KDM3B: variants seen among roughly 807,000 people sequenced by gnomAD.
The protein encoded by KDM3B is lysine-specific demethylase 3B.
Under a neutral mutation model 170.0 loss-of-function variants are expected in KDM3B, and 10 were observed. That is an observed-to-expected ratio of 0.06 (90% CI 0.04 to 0.10). KDM3B has a LOEUF of 0.10. KDM3B is among the 10% of genes least tolerant of loss of function. The pLI, the probability that KDM3B is intolerant of heterozygous loss-of-function variation, is 1.00. For synonymous variants in KDM3B, 831 were observed against 834.8 expected (o/e 1.00, Z 0.08); for missense variants, 1,394 against 2,195.2 (o/e 0.64, Z 7.29).
intron 14 of KDM3B, among the ~76,000 whole-genome samples, chr5:138,419,890 T>A (rs992767187): frequency 4.6e-5 from 7 of 151,716 alleles, no homozygotes; most frequent in African/African-American, 1.7e-4. Context: ...TTTGTTTGTT[T>A]GTTTTGAGAC....
chr5:138,424,440 C>T, intron 16 of KDM3B, 99 bp downstream of exon 16: 1 of 1,374,790 alleles, frequency 7.3e-7, no homozygotes. Flanking sequence ...GAGATTTAGA[C>T]ATAGTGAGGT....
rs1015883303 is a variant in KDM3B, at chr5:138,367,916, G to T, written c.193-4758G>T. On this transcript the variant is annotated intron_variant, in intron 1 of 23. Coordinates refer to ENST00000314358, the MANE Select transcript of KDM3B (RefSeq NM_016604.4). ...TAGTCCCAGCTACTCAGAAGGCTGA[G>T]GCAGGAGAATCACTTGAACCTGGGA... Among the ~76,000 whole-genome samples, 7 of 152,184 alleles carry T rather than the reference G, an allele frequency of 4.6e-5. 1 individual carries two copies. In the South Asian group the frequency reaches 1.4e-3, roughly 32 times the overall value.
chr5:138,352,874 T>C lies in KDM3B; in HGVS notation c.79T>C (p.Ser27Pro), dbSNP rs1761361896. Residue 27 changes from serine to proline, a missense_variant, in exon 1 of 24, where the codon TCG becomes CCG. Transcript: ENST00000314358. ...FADTAASASASAPAAAAASGD... is the reference protein window; with the variant it reads ...FADTAASASAPAPAAAAASGD... ...GGACACTGCGGCCTCAGCCTCGGCC[T>C]CGGCTCCCGCGGCGGCAGCGGCGAG... 2.2e-6 allele frequency: 3 copies of C among 1,377,306 alleles called. No homozygotes were observed. Among genetic ancestry groups the C allele is most frequent in the Non-Finnish European group, 2.8e-6 (3 of 1,062,172 alleles). 85.3% of individuals were successfully genotyped at this position (1,377,306 alleles called of 1,614,324 possible).
At chr5:138,431,326 T>C in intron 22 of KDM3B, 99 bp from the exon 23 acceptor site, 1 of 1,000,838 alleles carries the variant, frequency 1.0e-6, no homozygotes, top group Non-Finnish European at 1.4e-6. Context: ...ATATTATACC[T>C]ATTTCTCAAG....
rs1206859725 is a variant in KDM3B at position 138,399,986 on chromosome 5, G to A, written c.3173G>A (p.Arg1058Gln). 1.9e-6 allele frequency: 3 copies of A among 1,614,130 alleles called. No homozygotes were observed. Among genetic ancestry groups the A allele is most frequent in the Non-Finnish European group, 8.5e-7 (1 of 1,180,006 alleles). ...TTTGGGGTCTGCCTTGACTGTTACC[G>A]GCTCAGGAAAAGCCGGCCACGCAGT... is the stretch of plus-strand genomic sequence containing the variant. ...CGFGVCLDCYRLRKSRPRSET... is the reference protein window; with the variant it reads ...CGFGVCLDCYQLRKSRPRSET... Residue 1058 changes from arginine (R) to glutamine (Q), a missense_variant, in exon 11 of 24, where the codon CGG becomes CAG. Transcript: ENST00000314358.
chr5:138,424,585 T>C (rs1182121548), intron 16 of KDM3B, among the ~76,000 whole-genome samples: 1 of 152,088 alleles, frequency 6.6e-6, no homozygotes, highest in Non-Finnish European at 1.5e-5. Context: ...GTCAGGAGTT[T>C]GGCCAACATG....
At position 138,391,631 on chromosome 5, in the gene KDM3B, A is replaced by G; in HGVS notation, c.1999A>G (p.Thr667Ala). 2 of 1,613,666 alleles carry G rather than the reference A, an allele frequency of 1.2e-6. No homozygotes were observed. The highest frequency in any genetic ancestry group is 2.7e-5 in the African/African-American group (2 of 74,828). Residue 667 changes from threonine (T) to alanine (A), a missense_variant, in exon 8 of 24, where the codon ACC becomes GCC. Physicochemically the swap from Thr to Ala is moderately conservative, Grantham distance 58. Coordinates refer to ENST00000314358, the MANE Select transcript of KDM3B (RefSeq NM_016604.4). This position sits in a 1 kb window ranked among gnomAD's most constrained non-coding sequence, Gnocchi z 5.0. ...SGSSSSATTVTSKVAPSWPES... is the reference protein window; with the variant it reads ...SGSSSSATTVASKVAPSWPES... ...TAGCTCCTCTTCTGCTACCACTGTC[A>G]CCTCCAAGGTGGCACCCAGCTGGCC...
At position 138,424,059 on chromosome 5, in the gene KDM3B, G is replaced by T; in HGVS notation, c.3973-16G>T. 1 of 1,524,786 alleles carries T rather than the reference G, an allele frequency of 6.6e-7. No individual in the cohort carries two copies. The highest frequency in any genetic ancestry group is 8.8e-7 in the Non-Finnish European group (1 of 1,134,868). The allele number at this position is 1,524,786 out of a possible 1,614,324, so 94.5% of individuals were successfully genotyped here. ...GTGCCTCAGTCAAGCTTACCTGGTG[G>T]ATTTGTGTCTGGCAGGGAGTGAAGA... On this transcript the variant is annotated splice_polypyrimidine_tract_variant and intron_variant, in intron 15 of 23. Transcript: ENST00000314358.
At chr5:138,371,907 G>T (rs1477328555) in intron 1 of KDM3B, among the ~76,000 whole-genome samples, 1 of 152,054 alleles carries the variant, frequency 6.6e-6, no homozygotes, top group African/African-American at 2.4e-5. Context: ...CAGATCCCTT[G>T]TTCAGGAGTT....
chr5:138,372,069 C>G (rs1440559871), intron 1 of KDM3B, among the ~76,000 whole-genome samples: 1 of 152,060 alleles, frequency 6.6e-6, no homozygotes, highest in Admixed American at 6.6e-5. Flanking sequence ...GCTGAGATCA[C>G]GCCATTTCAC....
intron 10 of KDM3B, among the ~76,000 whole-genome samples, chr5:138,398,985 T>C (rs1287340352): frequency 6.7e-6 from 1 of 148,528 alleles, no homozygotes; most frequent in African/African-American, 2.5e-5. Flanking sequence ...ACCTCCCAGG[T>C]TCACACCATT....
chr5:138,378,102 T>C (rs1762042049), intron 4 of KDM3B, among the ~76,000 whole-genome samples: 1 of 152,196 alleles, frequency 6.6e-6, no homozygotes, highest in African/African-American at 2.4e-5. Flanking sequence ...GACTGTGTTA[T>C]TCTGTCTAAG....
At position 138,412,290 on chromosome 5, in the gene KDM3B, T is replaced by G. The variant is rs1762990539; in HGVS notation, c.3200-2842T>G. 2.0e-5 allele frequency among the ~76,000 whole-genome samples: 3 copies of G among 150,420 alleles called. No individual in the cohort carries two copies. In the South Asian group the frequency reaches 6.3e-4, roughly 32 times the overall value. On this transcript the variant is annotated intron_variant, in intron 11 of 23. Transcript: ENST00000314358. ...AGCGGAGGTTGCAGTGAGCCGAAAT[T>G]GCACCACTGCACTCCAGCCTGGGCA...
chr5:138,409,810 G>A lies in KDM3B; in HGVS notation c.3200-5322G>A, dbSNP rs528056818. On this transcript the variant is annotated intron_variant, in intron 11 of 23. Coordinates refer to ENST00000314358, the MANE Select transcript of KDM3B (RefSeq NM_016604.4). ...AACAATAATGAAAAATAGGCCGAGC[G>A]CCGTGGCTAACTCACGCCTGTAATC... 2.0e-3 allele frequency among the ~76,000 whole-genome samples: 309 copies of A among 152,288 alleles called. 1 individual carries two copies. The highest frequency in any genetic ancestry group is 7.4e-3 in the African/African-American group (308 of 41,564).
At chr5:138,429,781 C>T (rs1763484934) in intron 20 of KDM3B, 45 bp from the exon 21 acceptor site, 1 of 1,600,892 alleles carries the variant, frequency 6.2e-7, no homozygotes, top group Non-Finnish European at 8.5e-7. Flanking sequence ...CTCAGTGGTA[C>T]TGAAATGGCT....
chr5:138,359,636 T>A (rs1272106314), intron 1 of KDM3B, among the ~76,000 whole-genome samples: 1 of 152,086 alleles, frequency 6.6e-6, no homozygotes, highest in Non-Finnish European at 1.5e-5. Flanking sequence ...GCAAGTGAGA[T>A]GAGGGACCTA....
In KDM3B at chr5:138,362,732, TTA is replaced by T. The variant is rs564172190; in HGVS notation, c.192+9750_192+9751del. ...ATTTTTCTATAATTTTATAGTATAA[TTA>T]TATAATTATTTCTTTTTTATATACT... On this transcript the variant is annotated intron_variant, in intron 1 of 23. Coordinates refer to ENST00000314358, the MANE Select transcript of KDM3B (RefSeq NM_016604.4). Among the ~76,000 whole-genome samples the T allele has an allele frequency of 3.8e-3, 558 of 148,732 alleles. 1 individual carries two copies. Among genetic ancestry groups the T allele is most frequent in the Middle Eastern group, 0.011 (3 of 278 alleles).
At chr5:138,433,113 T>TC (rs1763578933) in intron 23 of KDM3B, among the ~76,000 whole-genome samples, 2 of 149,180 alleles carry the variant, frequency 1.3e-5, no homozygotes, top group Non-Finnish European at 3.0e-5. Context: ...ACTTTTCCTT[T>TC]CTTTTTTTTT....
At chr5:138,428,374 G>A (rs1363893982) in intron 20 of KDM3B, among the ~76,000 whole-genome samples, 3 of 152,020 alleles carry the variant, frequency 2.0e-5, no homozygotes, top group Non-Finnish European at 2.9e-5. Context: ...ACCACGCCCG[G>A]CTAATTTTTG....
Sources: gnomAD v4.1 joint callset for allele counts (sites outside exome capture counted in the v4.1 genomes callset) on GRCh38, gnomAD v4.1.1 for gene constraint, Gnocchi (gnomAD v3.1) non-coding constraint, MANE v1.5 for transcripts, NCBI Gene and HGNC (gene_info 2026-07-23, HGNC 2026-07-21) for gene names.